Variants in PACS1 observed in about 807,000 individuals in gnomAD.
The protein encoded by PACS1 is PACS-1.
Under a neutral mutation model 115.0 loss-of-function variants are expected in PACS1, and 24 were observed. That is an observed-to-expected ratio of 0.21 (90% CI 0.15 to 0.29). The LOEUF (loss-of-function observed/expected upper bound fraction) is 0.29, where lower values mean the gene tolerates loss of function less well. Among genes scored for constraint, PACS1 ranks in the 10% least tolerant of loss-of-function variants. PACS1 has a pLI of 1.00. For missense variants in PACS1, 838 were observed against 1,251.2 expected, an observed-to-expected ratio of 0.67 and a Z score of 4.98; for synonymous variants, 453 against 504.5, an observed-to-expected ratio of 0.90 and a Z score of 1.37.
chr11:66,219,647 C>T lies in PACS1; in HGVS notation c.979-99C>T, dbSNP rs2134716232. 6.5e-6 allele frequency: 6 copies of T among 920,552 alleles called. No individual in the cohort carries two copies. In the South Asian group the frequency reaches 7.8e-5, roughly 12 times the overall value. The allele number at this position is 920,552 out of a possible 1,614,324, so 57.0% of individuals were successfully genotyped here. On this transcript the variant is annotated intron_variant, in intron 7 of 23. Coordinates refer to ENST00000320580, the MANE Select transcript of PACS1 (RefSeq NM_018026.4). The stretch of plus-strand genomic sequence containing the variant: ...AAGTCCTCCAGTCTTCGTGTCTTCC[C>T]ACAGCTCGTCATGAAAGTGGGCTCT...
At chr11:66,076,121 C>G (rs1857392707) in intron 1 of PACS1, among the ~76,000 whole-genome samples, 1 of 152,172 alleles carries the variant, frequency 6.6e-6, no homozygotes, top group Non-Finnish European at 1.5e-5. Flanking sequence ...TCATCTCTAT[C>G]AGGGTAATAG....
intron 1 of PACS1, among the ~76,000 whole-genome samples, chr11:66,087,527 G>A (rs1857593716): frequency 6.6e-6 from 1 of 152,232 alleles, no homozygotes; most frequent in South Asian, 2.1e-4. Context: ...GCAGGCATGA[G>A]CCAGCCAAGA....
intron 2 of PACS1, among the ~76,000 whole-genome samples, chr11:66,196,983 A>T (rs1854665765): frequency 6.6e-6 from 1 of 152,112 alleles, no homozygotes; most frequent in Non-Finnish European, 1.5e-5. Flanking sequence ...GTTCTTAAAG[A>T]CTTTTCTGAA....
chr11:66,133,589 C>T (rs1858753826), intron 1 of PACS1, among the ~76,000 whole-genome samples: 1 of 152,224 alleles, frequency 6.6e-6, no homozygotes, highest in Non-Finnish European at 1.5e-5. Context: ...TATCATAGCT[C>T]ACTGCAGCCT....
chr11:66,231,023 G>C, intron 13 of PACS1, 83 bp downstream of exon 13: 5 of 1,519,048 alleles, frequency 3.3e-6, no homozygotes, highest in Non-Finnish European at 2.7e-6. Context: ...TCCTTGGACA[G>C]TTAGTTGGAG....
chr11:66,179,610 C>G (rs1009324657), intron 1 of PACS1, among the ~76,000 whole-genome samples: 1 of 152,144 alleles, frequency 6.6e-6, no homozygotes, highest in Non-Finnish European at 1.5e-5. Flanking sequence ...TGTATCTTGA[C>G]TTAAAAGGTT....
At chr11:66,229,438 G>A (rs970276902) in intron 11 of PACS1, among the ~76,000 whole-genome samples, 1 of 151,742 alleles carries the variant, frequency 6.6e-6, no homozygotes, top group Admixed American at 6.6e-5. Flanking sequence ...GGTGGTTCAT[G>A]CCTGTAATCC....
intron 1 of PACS1, among the ~76,000 whole-genome samples, chr11:66,089,656 C>T (rs755698257): frequency 3.9e-5 from 6 of 152,172 alleles, no homozygotes; most frequent in Admixed American, 1.3e-4. Flanking sequence ...ACTCAGAGTT[C>T]TTGGGAAGAA....
chr11:66,131,867 A>T lies in PACS1; in HGVS notation c.356+61025A>T, dbSNP rs561494413. On this transcript the variant is annotated intron_variant, in intron 1 of 23. Transcript: ENST00000320580. ...TTTTTTCTCTGATCTCTAAATTTGT[A>T]TACTCACTGTCTACCTGATAGCCCC... Among the ~76,000 whole-genome samples, 5 of 152,022 alleles carry T rather than the reference A, an allele frequency of 3.3e-5. No individual in the cohort carries two copies. The East Asian group carries it at 9.6e-4, about 29-fold the overall frequency.
intron 1 of PACS1, among the ~76,000 whole-genome samples, chr11:66,169,819 G>T (rs1057041144): frequency 6.7e-6 from 1 of 150,150 alleles, no homozygotes; most frequent in African/African-American, 2.5e-5. Context: ...GGGTACTGAG[G>T]TTATGTTAAT....
chr11:66,160,774 G>A lies in PACS1; in HGVS notation c.357-32712G>A, dbSNP rs143694142. On this transcript the variant is annotated intron_variant, in intron 1 of 23. Transcript: ENST00000320580. The stretch of plus-strand genomic sequence containing the variant: ...TAGGCTCAAGCGATCCTCCTGCCTC[G>A]GCCTCCCAAAGTGCTGGGATTATAG... 1.3e-3 allele frequency among the ~76,000 whole-genome samples: 194 copies of A among 150,166 alleles called. 4 individuals carry two copies. The East Asian group carries it at 0.033, about 25-fold the overall frequency.
chr11:66,142,555 A>AC (rs2134595995), intron 1 of PACS1, among the ~76,000 whole-genome samples: 1 of 130,760 alleles, frequency 7.6e-6, no homozygotes, highest in South Asian at 2.4e-4. Flanking sequence ...CAATCCTCCC[A>AC]CCTTGGCCTC....
At chr11:66,106,603 G>A (rs1050535054) in intron 1 of PACS1, among the ~76,000 whole-genome samples, 2 of 151,824 alleles carry the variant, frequency 1.3e-5, no homozygotes, top group South Asian at 2.1e-4. Context: ...TTAGCCAGGC[G>A]TGGTGGTGCA....
chr11:66,139,366 G>A (rs1353217932), intron 1 of PACS1, among the ~76,000 whole-genome samples: 1 of 151,998 alleles, frequency 6.6e-6, no homozygotes, highest in Non-Finnish European at 1.5e-5. Flanking sequence ...ACTTTAAAAT[G>A]TATAATTAAA....
At chr11:66,150,379 A>G (rs1230783113) in intron 1 of PACS1, among the ~76,000 whole-genome samples, 1 of 152,182 alleles carries the variant, frequency 6.6e-6, no homozygotes, top group East Asian at 1.9e-4. Context: ...GCTGACTTCT[A>G]GGCAGGAAAC....
chr11:66,188,917 C>T (rs777163849), intron 1 of PACS1, among the ~76,000 whole-genome samples: 7 of 152,268 alleles, frequency 4.6e-5, no homozygotes, highest in Admixed American at 1.3e-4. Context: ...TTCTAATTTG[C>T]TAATAAAATG....
At chr11:66,163,555 GACTTAA>G in intron 1 of PACS1, among the ~76,000 whole-genome samples, 1 of 152,070 alleles carries the variant, frequency 6.6e-6, no homozygotes, top group Non-Finnish European at 1.5e-5. Flanking sequence ...CTCAACAGTA[GACTTAA>G]AGATGCTCAT....
intron 2 of PACS1, among the ~76,000 whole-genome samples, chr11:66,202,726 G>GAAAAAAAAA (rs55677222): frequency 1.8e-4 from 2 of 10,960 alleles, no homozygotes; most frequent in African/African-American, 2.4e-4. Flanking sequence ...TCATCTCTAG[G>GAAAAAAAAA]AAAAAAAAAA....
intron 2 of PACS1, among the ~76,000 whole-genome samples, chr11:66,207,125 T>A (rs1020063331): frequency 6.6e-6 from 1 of 152,172 alleles, no homozygotes; most frequent in Non-Finnish European, 1.5e-5. Flanking sequence ...TATGTCGATA[T>A]GTATTTCAAA....
Sources: gnomAD v4.1 joint callset for allele counts (sites outside exome capture counted in the v4.1 genomes callset) on GRCh38, gnomAD v4.1.1 for gene constraint, MANE v1.5 for transcripts, NCBI Gene and HGNC (gene_info 2026-07-23, HGNC 2026-07-21) for gene names.